Variants in PARM1 observed in about 807,000 individuals in gnomAD.
PARM1 encodes the protein WSC4, cell wall integrity and stress response component 4 homolog.
PARM1 carries 14 observed loss-of-function variants against 24.6 expected under a neutral mutation model. The observed-to-expected ratio is 0.57, with a 90% CI of 0.38 to 0.89. The LOEUF (loss-of-function observed/expected upper bound fraction) is 0.89, where lower values mean the gene tolerates loss of function less well. Among genes scored for constraint, PARM1 ranks in the 40% least tolerant of loss-of-function variants. The pLI, the probability that PARM1 is intolerant of heterozygous loss-of-function variation, is 0.00. For missense variants in PARM1, 362 were observed against 380.4 expected (o/e 0.95, Z 0.40); for synonymous variants, 179 against 156.6 (o/e 1.14, Z -1.07).
chr4:74,941,555 G>C (rs902092901), intron 1 of PARM1, among the ~76,000 whole-genome samples: 1 of 152,106 alleles, frequency 6.6e-6, no homozygotes, highest in South Asian at 2.1e-4. Context: ...AAATTCATTT[G>C]ATTTCATTTT....
At chr4:74,976,812 G>C (rs1213429885) in intron 1 of PARM1, among the ~76,000 whole-genome samples, 1 of 152,184 alleles carries the variant, frequency 6.6e-6, no homozygotes, top group African/African-American at 2.4e-5. Flanking sequence ...GAGGGACCCA[G>C]GTGAATAGGG....
chr4:74,956,103 G>A (rs1207844017), intron 1 of PARM1: 5 of 152,178 alleles, frequency 3.3e-5, no homozygotes, highest in African/African-American at 1.2e-4. Context: ...TTCTTTTACA[G>A]AGCTTTCAGG....
intron 3 of PARM1, among the ~76,000 whole-genome samples, chr4:75,038,241 G>C (rs1723410461): frequency 6.6e-6 from 1 of 152,176 alleles, no homozygotes; most frequent in South Asian, 2.1e-4. Flanking sequence ...ATCACTTTGT[G>C]CTCAGTTTCT....
At chr4:74,968,549 A>C (rs778421842) in intron 1 of PARM1, among the ~76,000 whole-genome samples, 5 of 152,192 alleles carry the variant, frequency 3.3e-5, no homozygotes, top group Admixed American at 2.0e-4. Flanking sequence ...AAGAAAGAGG[A>C]AGGGAAAATA....
intron 1 of PARM1, among the ~76,000 whole-genome samples, chr4:74,999,622 A>G (rs1393761105): frequency 2.0e-5 from 3 of 152,242 alleles, no homozygotes; most frequent in Admixed American, 1.3e-4. Context: ...CACTCTATAC[A>G]TAGTTGTTGA....
At chr4:75,033,812 A>T in intron 2 of PARM1, 71 bp from the exon 3 acceptor site, 2 of 1,236,294 alleles carry the variant, frequency 1.6e-6, no homozygotes, top group Non-Finnish European at 2.3e-6. Flanking sequence ...GGTGGATACT[A>T]CGCACGCCAA....
intron 1 of PARM1, among the ~76,000 whole-genome samples, chr4:74,947,952 C>A (rs537228961): frequency 1.3e-5 from 2 of 152,178 alleles, no homozygotes; most frequent in Non-Finnish European, 2.9e-5. Context: ...GTGTGAAAGG[C>A]CAGAGAAGCA....
At chr4:74,990,342 T>A (rs1397901670) in intron 1 of PARM1, among the ~76,000 whole-genome samples, 2 of 152,204 alleles carry the variant, frequency 1.3e-5, no homozygotes, top group Admixed American at 6.5e-5. Context: ...GACTTTCACC[T>A]ATTAGATAGT....
intron 1 of PARM1, among the ~76,000 whole-genome samples, chr4:74,952,792 C>T: frequency 6.6e-6 from 1 of 152,186 alleles, no homozygotes; most frequent in Non-Finnish European, 1.5e-5. Context: ...TTTCTGTTAG[C>T]CAATGTGAAA....
At chr4:75,037,643 G>T (rs750432459) in intron 3 of PARM1, among the ~76,000 whole-genome samples, 29 of 152,246 alleles carry the variant, frequency 1.9e-4, no homozygotes, top group Non-Finnish European at 3.8e-4. Context: ...TGAACCCAGG[G>T]CCCTTCTTGG....
At chr4:74,941,143 A>T (rs769836805) in intron 1 of PARM1, among the ~76,000 whole-genome samples, 1 of 152,234 alleles carries the variant, frequency 6.6e-6, no homozygotes, top group South Asian at 2.1e-4. Context: ...CTTTTACCAC[A>T]TTCAACTAGT....
chr4:75,005,709 G>A (rs1436599472), intron 1 of PARM1, among the ~76,000 whole-genome samples: 1 of 152,188 alleles, frequency 6.6e-6, no homozygotes, highest in African/African-American at 2.4e-5. Flanking sequence ...GACAATACAC[G>A]TGGAAACATA....
At chr4:74,997,529 T>C (rs1722598172) in intron 1 of PARM1, among the ~76,000 whole-genome samples, 1 of 152,128 alleles carries the variant, frequency 6.6e-6, no homozygotes, top group Non-Finnish European at 1.5e-5. Context: ...CTGCTTGACA[T>C]TGAATTAGAA....
chr4:75,033,412 AC>A (rs1162610600), intron 2 of PARM1, among the ~76,000 whole-genome samples: 1 of 152,192 alleles, frequency 6.6e-6, no homozygotes, highest in African/African-American at 2.4e-5. Flanking sequence ...ACCGAAAAAA[AC>A]ATTACTTTGC....
chr4:75,042,126 A>G (rs1723500499), intron 3 of PARM1, among the ~76,000 whole-genome samples: 1 of 152,242 alleles, frequency 6.6e-6, no homozygotes, highest in Admixed American at 6.5e-5. Context: ...GGTATTAGCC[A>G]AACCCCATAG....
At chr4:74,980,938 C>T (rs1376828293) in intron 1 of PARM1, among the ~76,000 whole-genome samples, 1 of 151,932 alleles carries the variant, frequency 6.6e-6, no homozygotes, top group Non-Finnish European at 1.5e-5. Context: ...ATTGAAACTT[C>T]CTTATATCTT....
intron 1 of PARM1, among the ~76,000 whole-genome samples, chr4:74,968,552 G>T (rs1056049396): frequency 1.3e-5 from 2 of 152,144 alleles, no homozygotes; most frequent in African/African-American, 4.8e-5. Flanking sequence ...AAAGAGGAAG[G>T]GAAAATAATT....
At chr4:74,934,556 G>A (rs1440477133) in intron 1 of PARM1, among the ~76,000 whole-genome samples, 2 of 152,188 alleles carry the variant, frequency 1.3e-5, no homozygotes, top group African/African-American at 4.8e-5. Context: ...GTGAACGTCC[G>A]TCTGAGAAAA....
intron 1 of PARM1, among the ~76,000 whole-genome samples, chr4:74,939,919 C>T (rs1282030333): frequency 6.6e-6 from 1 of 152,160 alleles, no homozygotes; most frequent in Non-Finnish European, 1.5e-5. Flanking sequence ...ACATCTTCCA[C>T]TTACATTCCA....
Sources: allele counts gnomAD v4.1 joint callset (sites outside exome capture counted in the v4.1 genomes callset), GRCh38; gene constraint gnomAD v4.1.1; transcripts MANE v1.5; gene names NCBI Gene and HGNC (gene_info 2026-07-23, HGNC 2026-07-21).